The following HS3ST4 variants were observed in gnomAD, a reference collection of about 807,000 sequenced individuals.
HS3ST4 encodes heparan sulfate-glucosamine 3-sulfotransferase 4, also known as heparan sulfate glucosamine 3-O-sulfotransferase 4.
In HS3ST4, 17 loss-of-function variants were observed where a neutral mutation model predicts 29.2. That is an observed-to-expected ratio of 0.58 (90% confidence interval 0.40 to 0.87). HS3ST4 has a LOEUF of 0.87. Ranked by LOEUF, HS3ST4 falls within the 40% of genes least tolerant of loss-of-function variation. The probability of loss-of-function intolerance (pLI) is 0.00; values close to 1 mark genes in which losing one functional copy is unlikely to be tolerated. For synonymous variants in HS3ST4, 314 were observed against 285.7 expected, an observed-to-expected ratio of 1.10 and a Z score of -1.00; for missense variants, 627 against 634.5, an observed-to-expected ratio of 0.99 and a Z score of 0.13.
At chr16:25,958,562 C>T (rs906703448) in intron 1 of HS3ST4, among the ~76,000 whole-genome samples, 9 of 152,188 alleles carry the variant, frequency 5.9e-5, no homozygotes, top group Non-Finnish European at 1.2e-4. Context: ...AACTCCTGAC[C>T]TCAGGTGATC....
At chr16:25,913,992 C>T (rs1596612177) in intron 1 of HS3ST4, among the ~76,000 whole-genome samples, 1 of 116,006 alleles carries the variant, frequency 8.6e-6, no homozygotes, top group African/African-American at 3.5e-5. Context: ...TGTGTGTGTG[C>T]AGGGAGGTGT....
intron 1 of HS3ST4, among the ~76,000 whole-genome samples, chr16:25,938,936 G>T (rs143238801): frequency 6.6e-6 from 1 of 152,166 alleles, no homozygotes; most frequent in Non-Finnish European, 1.5e-5. Flanking sequence ...TAAACCAGAC[G>T]TTCTGCAAGG....
intron 1 of HS3ST4, among the ~76,000 whole-genome samples, chr16:25,810,091 A>G (rs1967027658): frequency 6.6e-6 from 1 of 152,082 alleles, no homozygotes; most frequent in Non-Finnish European, 1.5e-5. Flanking sequence ...TCTTTTCTAA[A>G]GTAAGAATTT....
chr16:26,122,098 G>A (rs1344607447), intron 1 of HS3ST4, among the ~76,000 whole-genome samples: 2 of 149,390 alleles, frequency 1.3e-5, no homozygotes, highest in African/African-American at 2.5e-5. Flanking sequence ...TTAGATCCAC[G>A]CTACCCAACC....
chr16:26,111,954 T>C (rs938011788), intron 1 of HS3ST4, among the ~76,000 whole-genome samples: 1 of 150,546 alleles, frequency 6.6e-6, no homozygotes, highest in Non-Finnish European at 1.5e-5. Flanking sequence ...GAGGCGGAGG[T>C]TGCAGCAAGC....
chr16:25,956,431 A>T (rs1056667223), intron 1 of HS3ST4, among the ~76,000 whole-genome samples: 1 of 152,198 alleles, frequency 6.6e-6, no homozygotes, highest in African/African-American at 2.4e-5. Flanking sequence ...TACCACTTCT[A>T]TTCAACCTAA....
chr16:25,817,770 A>G (rs112690431), intron 1 of HS3ST4, among the ~76,000 whole-genome samples: 6,183 of 152,320 alleles, frequency 0.041, 225 homozygotes, highest in African/African-American at 0.092. Flanking sequence ...ATACAGCCTC[A>G]TTTTTATTGC....
At chr16:26,054,302 G>A (rs866235877) in intron 1 of HS3ST4, among the ~76,000 whole-genome samples, 4,035 of 142,618 alleles carry the variant, frequency 0.028, 64 homozygotes, top group Middle Eastern at 0.036. Flanking sequence ...GAGAGAGAAG[G>A]AGGAGGAGGA....
intron 1 of HS3ST4, among the ~76,000 whole-genome samples, chr16:25,693,894 C>T (rs78196441): frequency 0.01 from 1,559 of 152,208 alleles, 22 homozygotes; most frequent in African/African-American, 0.036. Flanking sequence ...TGTTCATCTC[C>T]CTCCTTTCCC....
chr16:25,832,877 AC>A (rs1467128905), intron 1 of HS3ST4, among the ~76,000 whole-genome samples: 2 of 152,188 alleles, frequency 1.3e-5, no homozygotes, highest in Non-Finnish European at 2.9e-5. Context: ...ATTTCCCCAA[AC>A]AAAAAATAAG....
At chr16:26,110,818 T>C (rs1472163948) in intron 1 of HS3ST4, among the ~76,000 whole-genome samples, 5 of 152,124 alleles carry the variant, frequency 3.3e-5, no homozygotes, top group Non-Finnish European at 7.3e-5. Context: ...CTCCTTCCAC[T>C]GTCTCCCTCT....
chr16:25,863,182 C>T (rs9924781), intron 1 of HS3ST4, among the ~76,000 whole-genome samples: 27,399 of 151,982 alleles, frequency 0.18, 2,706 homozygotes, highest in African/African-American at 0.27. Context: ...CTCCAGGGTT[C>T]AAGCAATTTT....
chr16:26,112,169 A>C (rs1899140497), intron 1 of HS3ST4, among the ~76,000 whole-genome samples: 1 of 151,994 alleles, frequency 6.6e-6, no homozygotes, highest in Admixed American at 6.6e-5. Flanking sequence ...CTCATATGTG[A>C]ATCTTGAGAA....
chr16:26,044,506 T>C (rs529219312), intron 1 of HS3ST4, among the ~76,000 whole-genome samples: 66 of 152,304 alleles, frequency 4.3e-4, no homozygotes, highest in Admixed American at 9.8e-4. Context: ...CCCAACTCCA[T>C]GGGGATGGAA....
chr16:26,097,657 C>T (rs1260493331), intron 1 of HS3ST4, among the ~76,000 whole-genome samples: 1 of 152,172 alleles, frequency 6.6e-6, no homozygotes, highest in Non-Finnish European at 1.5e-5. Context: ...CAATACCATT[C>T]AGGACATAGA....
At chr16:25,742,185 G>A (rs1290654245) in intron 1 of HS3ST4, among the ~76,000 whole-genome samples, 1 of 152,160 alleles carries the variant, frequency 6.6e-6, no homozygotes, top group Non-Finnish European at 1.5e-5. Context: ...CCACCTCACT[G>A]CCAAACCGGC....
chr16:25,889,290 C>T (rs952331411), intron 1 of HS3ST4, among the ~76,000 whole-genome samples: 8 of 152,180 alleles, frequency 5.3e-5, no homozygotes, highest in Admixed American at 2.0e-4. Flanking sequence ...CTGAGCTCAT[C>T]GTTTGCCTAA....
intron 1 of HS3ST4, among the ~76,000 whole-genome samples, chr16:26,134,296 T>C (rs1898249011): frequency 6.6e-6 from 1 of 152,024 alleles, no homozygotes; most frequent in East Asian, 1.9e-4. Flanking sequence ...GCTAGATCTT[T>C]CATCTTATAT....
At position 26,078,855 on chromosome 16, in the gene HS3ST4, T is replaced by C. The variant is rs146973563; in HGVS notation, c.735-56757T>C. ...TTCCCTTGAAAATTCCACGGCTGAA[T>C]GAATCTCTAACAGGTCACAGTTGAG... On this transcript the variant is annotated intron_variant, in intron 1 of 1. Transcript: ENST00000331351. Among the ~76,000 whole-genome samples the C allele has an allele frequency of 4.5e-3, 683 of 152,298 alleles. 2 individuals carry two copies. The highest frequency in any genetic ancestry group is 9.1e-3 in the Admixed American group (139 of 15,300).
Sources: allele counts gnomAD v4.1 joint callset (sites outside exome capture counted in the v4.1 genomes callset), GRCh38; gene constraint gnomAD v4.1.1; transcripts MANE v1.5; gene names NCBI Gene and HGNC (gene_info 2026-07-23, HGNC 2026-07-21).